TMEM154: variants seen among roughly 807,000 people sequenced by gnomAD.
TMEM154 encodes the protein transmembrane protein 154.
A neutral mutation model predicts 24.5 loss-of-function variants in TMEM154; 27 were observed. The observed-to-expected ratio is 1.10, with a 90% CI of 0.81 to 1.52. The LOEUF (loss-of-function observed/expected upper bound fraction) is 1.52. Ranked by LOEUF, TMEM154 falls within the 40% of genes most tolerant of loss-of-function variation. The pLI, the probability that TMEM154 is intolerant of heterozygous loss-of-function variation, is 0.00. For synonymous variants in TMEM154, 67 were observed against 76.8 expected (o/e 0.87, Z 0.67); for missense variants, 228 against 213.4 (o/e 1.07, Z -0.43).
At chr4:152,677,663 T>C (rs180840333) in intron 1 of TMEM154, among the ~76,000 whole-genome samples, 1 of 152,334 alleles carries the variant, frequency 6.6e-6, no homozygotes, top group Non-Finnish European at 1.5e-5. Flanking sequence ...AGGGCCCAAT[T>C]AGCATGTTGG....
intron 3 of TMEM154, chr4:152,647,072 G>A: frequency 1.0e-6 from 1 of 963,524 alleles, no homozygotes; most frequent in East Asian, 2.6e-5. Flanking sequence ...AAGCCCAAAG[G>A]AAAAAGTAAT....
chr4:152,619,752 C>T lies in TMEM154; in HGVS notation c.*8794G>A, dbSNP rs1751816765. 6.6e-6 allele frequency: 1 copy of T among 152,228 alleles called. No individual in the cohort carries two copies. Among genetic ancestry groups the T allele is most frequent in the Non-Finnish European group, 1.5e-5 (1 of 68,058 alleles). The allele number at this position is 152,228 out of a possible 1,614,324, so 9.4% of individuals were successfully genotyped here. A position where few individuals can be genotyped will look rare whatever the true frequency, so the allele number is the denominator to read the frequency against. On this transcript the variant is annotated 3_prime_UTR_variant, in exon 7 of 7. Transcript: ENST00000304385. ...GCTCCTATCCGACAGCCAGAACAAA[C>T]TTGCCAGCCATGTGAGTCATCTGAA...
In TMEM154 at chr4:152,652,503, C is replaced by A. The variant is rs778163760; in HGVS notation, c.364+35G>T. On this transcript the variant is annotated intron_variant, in intron 3 of 6. Transcript: ENST00000304385. ...ATCTCTGCTCCTTCTCCAATCCCAC[C>A]CCCACCTGTAGGCAGGTTTTAGGAT... The A allele has an allele frequency of 2.5e-6, 4 of 1,611,434 alleles. No individual in the cohort carries two copies. In the East Asian group the frequency reaches 8.9e-5, roughly 36 times the overall value.
rs753774311 is a variant in TMEM154, at chr4:152,679,862, C to G, written c.64+8G>C. ...CCTTCCCAGGAGTAGGAAGTGGAGG[C>G]GGCTTACCCCGGCCGACGGGAACGA... On this transcript the variant is annotated splice_region_variant and intron_variant, in intron 1 of 6. Transcript: ENST00000304385. The G allele has an allele frequency of 6.2e-7, 1 of 1,605,012 alleles. No individual in the cohort carries two copies. The highest frequency in any genetic ancestry group is 8.5e-7 in the Non-Finnish European group (1 of 1,176,660).
intron 1 of TMEM154, among the ~76,000 whole-genome samples, 196 bp from the exon 2 acceptor site, chr4:152,653,123 A>G (rs1728421918): frequency 6.6e-6 from 1 of 152,188 alleles, no homozygotes; most frequent in South Asian, 2.1e-4. Flanking sequence ...TGAATATGGA[A>G]TCAGAGCTCA....
At chr4:152,673,977 T>C (rs1328824059) in intron 1 of TMEM154, among the ~76,000 whole-genome samples, 1 of 151,976 alleles carries the variant, frequency 6.6e-6, no homozygotes, top group African/African-American at 2.4e-5. Context: ...TTCTCCAGAA[T>C]GGTTGTATAG....
intron 1 of TMEM154, among the ~76,000 whole-genome samples, chr4:152,657,405 T>C (rs1470705523): frequency 6.6e-6 from 1 of 151,828 alleles, no homozygotes; most frequent in East Asian, 1.9e-4. Flanking sequence ...ACCCAGCTAC[T>C]CAGGAGGCTT....
intron 3 of TMEM154, among the ~76,000 whole-genome samples, chr4:152,650,192 T>G (rs934543347): frequency 2.0e-5 from 3 of 152,240 alleles, no homozygotes; most frequent in African/African-American, 7.2e-5. Context: ...AAGATTTCTC[T>G]GTAGCATACA....
Position 152,618,774 on chromosome 4 carries a change from T to C in TMEM154, c.*9772A>G, listed in dbSNP as rs1463104195. 6.6e-6 allele frequency: 1 copy of C among 152,176 alleles called. No homozygotes were observed. The highest frequency in any genetic ancestry group is 1.5e-5 in the Non-Finnish European group (1 of 68,038). 9.4% of individuals were successfully genotyped at this position (152,176 alleles called of 1,614,324 possible). Reference sequence around the variant, plus strand: ...TGATCGTTCTCTGCTTCCTTCCATATTGGATTTAATGTAGCTAAAAATACA... The same window carrying C: ...TGATCGTTCTCTGCTTCCTTCCATACTGGATTTAATGTAGCTAAAAATACA... On this transcript the variant is annotated 3_prime_UTR_variant, in exon 7 of 7. Coordinates refer to ENST00000304385, the MANE Select transcript of TMEM154 (RefSeq NM_152680.3).
intron 3 of TMEM154, 86 bp downstream of exon 3, chr4:152,652,452 T>A: frequency 6.3e-7 from 1 of 1,585,108 alleles, no homozygotes; most frequent in South Asian, 1.2e-5. Flanking sequence ...CTATTATATG[T>A]AGTCCTTGTT....
At chr4:152,651,817 C>T (rs78386388) in intron 3 of TMEM154, among the ~76,000 whole-genome samples, 7,301 of 152,340 alleles carry the variant, frequency 0.048, 215 homozygotes, top group East Asian at 0.072. Flanking sequence ...CAGCTTTCAA[C>T]TTGCCTTCCT....
intron 3 of TMEM154, 88 bp from the exon 4 acceptor site, chr4:152,644,530 A>T (rs1752318567): frequency 7.7e-7 from 1 of 1,298,984 alleles, no homozygotes; most frequent in East Asian, 2.3e-5. Flanking sequence ...CTCCTTTACA[A>T]AGAGAGCAAA....
At chr4:152,630,733 GAA>G (rs1213776745) in intron 6 of TMEM154, among the ~76,000 whole-genome samples, 1 of 152,132 alleles carries the variant, frequency 6.6e-6, no homozygotes, top group Non-Finnish European at 1.5e-5. Context: ...TTAAAAAATA[GAA>G]AACACAAATA....
At chr4:152,643,866 C>T (rs989556109) in intron 4 of TMEM154, among the ~76,000 whole-genome samples, 7 of 152,004 alleles carry the variant, frequency 4.6e-5, no homozygotes, top group African/African-American at 1.7e-4. Flanking sequence ...ATGGCATCAC[C>T]CCAGAACATG....
At chr4:152,649,438 T>C (rs1728331442) in intron 3 of TMEM154, among the ~76,000 whole-genome samples, 1 of 152,236 alleles carries the variant, frequency 6.6e-6, no homozygotes, top group Admixed American at 6.5e-5. Flanking sequence ...TGAGGGAATT[T>C]TCTATAATTG....
chr4:152,637,110 T>C (rs973098189), intron 6 of TMEM154, among the ~76,000 whole-genome samples: 3 of 152,182 alleles, frequency 2.0e-5, no homozygotes, highest in African/African-American at 7.2e-5. Context: ...GCAGAGGGTA[T>C]ATGGGAACTC....
intron 3 of TMEM154, among the ~76,000 whole-genome samples, chr4:152,648,660 G>A (rs574119506): frequency 8.5e-5 from 13 of 152,350 alleles, no homozygotes; most frequent in African/African-American, 3.1e-4. Flanking sequence ...TGTTGTTAGA[G>A]TGGAGGATGC....
intron 6 of TMEM154, among the ~76,000 whole-genome samples, chr4:152,640,179 A>G (rs1752229313): frequency 6.6e-6 from 1 of 152,124 alleles, no homozygotes; most frequent in South Asian, 2.1e-4. Flanking sequence ...CAGAAGTGTG[A>G]TATCTCAGGC....
chr4:152,643,124 C>A lies in TMEM154; in HGVS notation c.442G>T (p.Glu148Ter). 1 of 1,613,470 alleles carries A rather than the reference C, an allele frequency of 6.2e-7. No homozygotes were observed. Among genetic ancestry groups the A allele is most frequent in the Non-Finnish European group, 8.5e-7 (1 of 1,179,880 alleles). The change falls in exon 5 of 7, where the codon GAG (glutamate) becomes TAG (stop). Residue 148 changes from glutamate (E) to a stop codon, truncating the protein, a stop_gained. Coordinates refer to ENST00000304385, the MANE Select transcript of TMEM154 (RefSeq NM_152680.3). LOFTEE classifies it high-confidence loss of function. ...ATGCTGTTCATCCATTTATCAAGCT[C>A]TTCCATTTCAATTTCCATAACAGAG... ...TPSVMEIEME[E>*]LDKWMNSMNR...
Sources: allele counts gnomAD v4.1 joint callset (sites outside exome capture counted in the v4.1 genomes callset), GRCh38; gene constraint gnomAD v4.1.1; transcripts MANE v1.5; gene names NCBI Gene and HGNC (gene_info 2026-07-23, HGNC 2026-07-21).